The following CHST6 variants were observed in gnomAD, a reference collection of about 807,000 sequenced individuals.
The protein encoded by CHST6 is carbohydrate sulfotransferase 6.
For missense variants in CHST6, 698 were observed against 586.2 expected (o/e 1.19, Z -1.97); for synonymous variants, 309 against 276.4 (o/e 1.12, Z -1.17).
chr16:75,478,902 T>C lies in CHST6; in HGVS notation c.927A>G (p.Gly309=), dbSNP rs763814133. Residue 309 remains glycine, a synonymous_variant, in exon 3 of 3, where the codon GGA becomes GGG. Coordinates refer to ENST00000332272, the MANE Select transcript of CHST6 (RefSeq NM_021615.5). ...CTTCGCGGCGCGCACCAGGTCCAGATCCGTGGGTGATGTTATGGATCCAGG... is the reference window on the plus strand; with the variant it reads ...CTTCGCGGCGCGCACCAGGTCCAGACCCGTGGGTGATGTTATGGATCCAGG... The part of the protein sequence containing the change: ...LEAWIHNITH[G]SGPGARREAF... 4 of 1,613,042 alleles carry C rather than the reference T, an allele frequency of 2.5e-6. No individual in the cohort carries two copies. The South Asian group carries it at 3.3e-5, about 13-fold the overall frequency.
intron 1 of CHST6, among the ~76,000 whole-genome samples, chr16:75,490,230 G>A (rs1311948605): frequency 6.9e-6 from 1 of 145,192 alleles, no homozygotes; most frequent in Non-Finnish European, 1.5e-5. Context: ...TGTAATCCCA[G>A]CACTTTGGGA....
chr16:75,493,267 T>C (rs928260498), intron 1 of CHST6, among the ~76,000 whole-genome samples: 1 of 151,970 alleles, frequency 6.6e-6, no homozygotes, highest in African/African-American at 2.4e-5. Flanking sequence ...TCCCAGCACT[T>C]TGCGAGGCTG....
rs113523232 is a variant in CHST6 at position 75,484,165 on chromosome 16, C to T, written c.-91-2274G>A. Among the ~76,000 whole-genome samples, 619 of 151,780 alleles carry T rather than the reference C, an allele frequency of 4.1e-3. 1 individual carries two copies. Among genetic ancestry groups the T allele is most frequent in the African/African-American group, 0.014 (590 of 41,370 alleles). On this transcript the variant is annotated intron_variant, in intron 1 of 2. Coordinates refer to ENST00000332272, the MANE Select transcript of CHST6 (RefSeq NM_021615.5). The stretch of plus-strand genomic sequence containing the variant: ...CTAGCCTGACCAACATGGTGAAACC[C>T]CGTCTCTACTAAAAATATAAAAATA...
At chr16:75,491,913 A>T (rs375681595) in intron 1 of CHST6, among the ~76,000 whole-genome samples, 1 of 152,090 alleles carries the variant, frequency 6.6e-6, no homozygotes, top group Non-Finnish European at 1.5e-5. Flanking sequence ...AAAAGGTGTC[A>T]GAGCTCCCAT....
chr16:75,479,893 C>T, intron 2 of CHST6, 49 bp from the exon 3 acceptor site: 1 of 1,486,588 alleles, frequency 6.7e-7, no homozygotes, highest in Non-Finnish European at 9.0e-7. Context: ...GCACGCCCAT[C>T]CCGTACCCCA....
rs2080054866 is a variant in CHST6, at chr16:75,475,251, G to C, written c.*3390C>G. 6.6e-6 allele frequency: 1 copy of C among 152,254 alleles called. No individual in the cohort carries two copies. Among genetic ancestry groups the C allele is most frequent in the South Asian group, 2.1e-4 (1 of 4,832 alleles). 9.4% of individuals were successfully genotyped at this position (152,254 alleles called of 1,614,324 possible). A position where few individuals can be genotyped will look rare whatever the true frequency, so the allele number is the denominator to read the frequency against. On this transcript the variant is annotated 3_prime_UTR_variant, in exon 3 of 3. Coordinates refer to ENST00000332272, the MANE Select transcript of CHST6 (RefSeq NM_021615.5). ...GAGCCCCAGCTGAAAACCTAAGACA[G>C]GTGGAGGTAAAGTTTTGCTTCCAAG... is the stretch of plus-strand genomic sequence containing the variant.
Position 75,474,595 on chromosome 16 carries a change from A to G in CHST6, c.*4046T>C, listed in dbSNP as rs1413446729. The G allele has an allele frequency of 5.0e-6, 2 of 398,762 alleles. No homozygotes were observed. Among genetic ancestry groups the G allele is most frequent in the Non-Finnish European group, 8.8e-6 (2 of 226,196 alleles). The allele number at this position is 398,762 out of a possible 1,614,324, so 24.7% of individuals were successfully genotyped here. On this transcript the variant is annotated 3_prime_UTR_variant, in exon 3 of 3. Coordinates refer to ENST00000332272, the MANE Select transcript of CHST6 (RefSeq NM_021615.5). ...CCAGCAAGGGTCATATATAATAAAT[A>G]GAAGTGTATTGGCTTACAGTTCTGG...
chr16:75,494,320 C>T (rs1339054105), intron 1 of CHST6, among the ~76,000 whole-genome samples: 2 of 152,182 alleles, frequency 1.3e-5, no homozygotes, highest in Non-Finnish European at 2.9e-5. Context: ...AGCCCCAGCT[C>T]CCGGAGCAGC....
intron 1 of CHST6, among the ~76,000 whole-genome samples, chr16:75,491,865 CAG>C (rs769618217): frequency 3.5e-4 from 53 of 152,180 alleles, no homozygotes; most frequent in Non-Finnish European, 7.1e-4. Flanking sequence ...CCCAGTTAGC[CAG>C]AGAAGTCCAG....
Position 75,478,880 on chromosome 16 carries a change from C to T in CHST6, c.949G>A (p.Glu317Lys). ...THGSGPGARR[E>K]AFKTSSRNAL... ...TTCCTGGACGAAGTCTTGAAGGCTTCGCGGCGCGCACCAGGTCCAGATCCG... is the reference window on the plus strand; with the variant it reads ...TTCCTGGACGAAGTCTTGAAGGCTTTGCGGCGCGCACCAGGTCCAGATCCG... Residue 317 changes from glutamate to lysine, a missense_variant, in exon 3 of 3, where the codon GAA (glutamate) becomes AAA (lysine). Transcript: ENST00000332272. The T allele has an allele frequency of 1.1e-5, 17 of 1,613,380 alleles. No homozygotes were observed. Among genetic ancestry groups the T allele is most frequent in the East Asian group, 2.2e-5 (1 of 44,888 alleles).
In CHST6 at chr16:75,478,522, A is replaced by C. The variant is rs2080090654; in HGVS notation, c.*119T>G. On this transcript the variant is annotated 3_prime_UTR_variant, in exon 3 of 3. Coordinates refer to ENST00000332272, the MANE Select transcript of CHST6 (RefSeq NM_021615.5). ...AGTCCTTGCCTACTTGGGGAGGGGG[A>C]GGGGTCGTACCACAAACTCCTTGGT... The C allele has an allele frequency of 5.2e-6, 5 of 966,298 alleles. No individual in the cohort carries two copies. Among genetic ancestry groups the C allele is most frequent in the Non-Finnish European group, 8.2e-6 (5 of 607,640 alleles). The allele number at this position is 966,298 out of a possible 1,614,324, so 59.9% of individuals were successfully genotyped here. A position where few individuals can be genotyped will look rare whatever the true frequency, so the allele number is the denominator to read the frequency against.
At position 75,475,308 on chromosome 16, in the gene CHST6, G is replaced by A. The variant is rs551095497; in HGVS notation, c.*3333C>T. The A allele has an allele frequency of 6.6e-6, 1 of 152,364 alleles. No individual in the cohort carries two copies. Among genetic ancestry groups the A allele is most frequent in the South Asian group, 2.1e-4 (1 of 4,826 alleles). The allele number at this position is 152,364 out of a possible 1,614,324, so 9.4% of individuals were successfully genotyped here. A position where few individuals can be genotyped will look rare whatever the true frequency, so the allele number is the denominator to read the frequency against. On this transcript the variant is annotated 3_prime_UTR_variant, in exon 3 of 3. Coordinates refer to ENST00000332272, the MANE Select transcript of CHST6 (RefSeq NM_021615.5). ...GCTTCAAACTGGCTCACAGGAAGTTGCACTACACTTGTCTACAGGACAAAG... is the reference window on the plus strand; with the variant it reads ...GCTTCAAACTGGCTCACAGGAAGTTACACTACACTTGTCTACAGGACAAAG...
intron 1 of CHST6, among the ~76,000 whole-genome samples, chr16:75,484,033 T>G (rs1472509661): frequency 6.8e-6 from 1 of 147,176 alleles, no homozygotes; most frequent in Non-Finnish European, 1.5e-5. Flanking sequence ...CAAAAATAAA[T>G]AAATAATAAA....
chr16:75,473,690 C>G lies in CHST6; in HGVS notation c.*4951G>C, dbSNP rs1041714360. ...CTGCAGACAAATCCTGTTGCATCAG[C>G]TTCCTCTCGGATATTTACCATCCCA... On this transcript the variant is annotated 3_prime_UTR_variant, in exon 3 of 3. Transcript: ENST00000332272. 6.6e-6 allele frequency: 1 copy of G among 152,184 alleles called. No individual in the cohort carries two copies. The highest frequency in any genetic ancestry group is 1.5e-5 in the Non-Finnish European group (1 of 68,044). The allele number at this position is 152,184 out of a possible 1,614,324, so 9.4% of individuals were successfully genotyped here.
intron 1 of CHST6, among the ~76,000 whole-genome samples, chr16:75,482,150 A>C (rs544249772): frequency 6.6e-6 from 1 of 152,108 alleles, no homozygotes; most frequent in African/African-American, 2.4e-5. Context: ...CCCCCTGGGG[A>C]GTCTCCCCCC....
chr16:75,487,659 C>T (rs986459899), intron 1 of CHST6, among the ~76,000 whole-genome samples: 7 of 151,262 alleles, frequency 4.6e-5, no homozygotes, highest in African/African-American at 7.3e-5. Context: ...ATTAGCCGGG[C>T]GTGGTGGCGG....
Position 75,478,973 on chromosome 16 carries a change from C to T in CHST6, c.856G>A (p.Ala286Thr), listed in dbSNP as rs1455850246. Residue 286 changes from alanine to threonine, a missense_variant, in exon 3 of 3, where the codon GCG (alanine) becomes ACG (threonine). Transcript: ENST00000332272. ...CTGAGCCCAGTGAAGGCGTAGAGCG[C>T]ACGGATTTCTGCCAGCGGCTCCCGC... ...LAREPLAEIR[A>T]LYAFTGLSLT... The T allele has an allele frequency of 6.2e-7, 1 of 1,612,964 alleles. No homozygotes were observed. The highest frequency in any genetic ancestry group is 8.5e-7 in the Non-Finnish European group (1 of 1,179,960).
At chr16:75,485,085 G>C (rs1597479170) in intron 1 of CHST6, among the ~76,000 whole-genome samples, 1 of 152,130 alleles carries the variant, frequency 6.6e-6, no homozygotes, top group Non-Finnish European at 1.5e-5. Flanking sequence ...GGTGATGATG[G>C]TGATGATGAT....
At position 75,478,480 on chromosome 16, in the gene CHST6, G is replaced by C. The variant is rs1308559381; in HGVS notation, c.*161C>G. The C allele has an allele frequency of 2.8e-6, 2 of 708,190 alleles. No individual in the cohort carries two copies. The highest frequency in any genetic ancestry group is 4.9e-6 in the Non-Finnish European group (2 of 411,484). 43.9% of individuals were successfully genotyped at this position (708,190 alleles called of 1,614,324 possible). The stretch of plus-strand genomic sequence containing the variant: ...GACTCAAAGGAAAACCAAGAATCAA[G>C]AGAGAAAGAAACGTGCAGTCCTTGC... On this transcript the variant is annotated 3_prime_UTR_variant, in exon 3 of 3. Coordinates refer to ENST00000332272, the MANE Select transcript of CHST6 (RefSeq NM_021615.5).
Sources: gnomAD v4.1 joint callset for allele counts (sites outside exome capture counted in the v4.1 genomes callset) on GRCh38, gnomAD v4.1.1 for gene constraint, MANE v1.5 for transcripts, NCBI Gene and HGNC (gene_info 2026-07-23, HGNC 2026-07-21) for gene names.